DMD: variants seen among roughly 807,000 people sequenced by gnomAD.
DMD encodes mutant dystrophin.
DMD carries 63 observed loss-of-function variants against 330.1 expected under a neutral mutation model. The ratio of observed to expected loss-of-function variants is 0.19; its 90% CI spans 0.16 to 0.24. The LOEUF is 0.24. Ranked by LOEUF, DMD falls within the 10% of genes least tolerant of loss-of-function variation. The pLI, the probability that DMD is intolerant of heterozygous loss-of-function variation, is 1.00. For missense variants in DMD, 3,344 were observed against 2,684.1 expected, an observed-to-expected ratio of 1.25 and a Z score of -5.43; for synonymous variants, 1,223 against 959.8, an observed-to-expected ratio of 1.27 and a Z score of -5.07.
intron 13 of DMD, among the ~76,000 whole-genome samples, chrX:32,595,461 A>T (rs904019314): frequency 3.6e-5 from 4 of 111,298 alleles, no homozygotes; most frequent in South Asian, 7.5e-4. Flanking sequence ...CTGCATTTAA[A>T]TTTTTTTTAA....
At chrX:31,550,996 A>G (rs2074444293) in intron 55 of DMD, among the ~76,000 whole-genome samples, 1 of 111,326 alleles carries the variant, frequency 9.0e-6, no homozygotes, top group South Asian at 3.8e-4. Context: ...GCCTGGCCAA[A>G]TGGTGAAACC....
At chrX:31,984,489 G>C (rs1031780416) in intron 44 of DMD, among the ~76,000 whole-genome samples, 8 of 112,230 alleles carry the variant, frequency 7.1e-5, no homozygotes, top group Non-Finnish European at 1.5e-4. Context: ...TATTTCTGCT[G>C]TTGAACTTAA....
At chrX:31,457,074 T>A (rs1221989513) in intron 59 of DMD, among the ~76,000 whole-genome samples, 1 of 109,056 alleles carries the variant, frequency 9.2e-6, no homozygotes, top group African/African-American at 3.3e-5. Context: ...CCTGAGTAGA[T>A]AAGGTGACTG....
At chrX:32,578,275 A>C (rs1164588280) in intron 13 of DMD, among the ~76,000 whole-genome samples, 1 of 112,527 alleles carries the variant, frequency 8.9e-6, no homozygotes, top group East Asian at 2.8e-4. Context: ...GCTTTTAGCA[A>C]TAATGCATAT....
chrX:33,246,981 G>T (rs1472875386), intron 1 of DMD, among the ~76,000 whole-genome samples: 1 of 111,534 alleles, frequency 9.0e-6, no homozygotes, highest in Non-Finnish European at 1.9e-5. Context: ...ACCATGCCCG[G>T]CCAATTATCT....
chrX:32,877,542 A>C (rs2083470186), intron 2 of DMD, among the ~76,000 whole-genome samples: 1 of 112,139 alleles, frequency 8.9e-6, no homozygotes, highest in South Asian at 3.7e-4. Flanking sequence ...AGCCCTTTAG[A>C]GGTTATAGCC....
At chrX:32,450,024 G>A (rs1241143830) in intron 26 of DMD, among the ~76,000 whole-genome samples, 1 of 110,746 alleles carries the variant, frequency 9.0e-6, no homozygotes, top group Non-Finnish European at 1.9e-5. Flanking sequence ...TGAAGAAATT[G>A]GGGTATTATT....
chrX:32,562,235 T>A (rs1302967631), intron 16 of DMD, among the ~76,000 whole-genome samples: 2 of 112,423 alleles, frequency 1.8e-5, no homozygotes, highest in Non-Finnish European at 3.8e-5. Context: ...AAGTATTTTC[T>A]ATCTTCTTAG....
chrX:32,852,330 T>C (rs1040584583), intron 2 of DMD, among the ~76,000 whole-genome samples: 6 of 111,326 alleles, frequency 5.4e-5, no homozygotes, highest in African/African-American at 1.3e-4. Context: ...AATCCAGTCC[T>C]GGTAGAATTC....
At chrX:31,389,141 A>C (rs2060587057) in intron 60 of DMD, among the ~76,000 whole-genome samples, 1 of 112,118 alleles carries the variant, frequency 8.9e-6, no homozygotes, top group Admixed American at 9.5e-5. Flanking sequence ...TTGAAACTTG[A>C]GATGCTCCAG....
At chrX:32,773,648 T>C (rs1194217043) in intron 7 of DMD, among the ~76,000 whole-genome samples, 2 of 110,374 alleles carry the variant, frequency 1.8e-5, no homozygotes. Context: ...CTCCCACATA[T>C]GAGTGAGAAC....
chrX:33,008,951 CGT>C (rs1491318978), intron 2 of DMD, among the ~76,000 whole-genome samples: 6 of 82,648 alleles, frequency 7.3e-5, no homozygotes, highest in South Asian at 4.9e-4. Context: ...CGTATATATA[CGT>C]ATATATACAT....
At chrX:33,103,587 TTATAAAACGGC>T (rs1328217258) in intron 1 of DMD, among the ~76,000 whole-genome samples, 22 of 110,400 alleles carry the variant, frequency 2.0e-4, no homozygotes, top group African/African-American at 6.9e-4. Context: ...TACCGAAAGC[TTATAAAACGGC>T]CCCACCCCTA....
intron 55 of DMD, among the ~76,000 whole-genome samples, chrX:31,578,311 A>G (rs186707616): frequency 3.3e-4 from 37 of 111,843 alleles, no homozygotes; most frequent in Non-Finnish European, 5.1e-4. Context: ...AAGTTAAGAG[A>G]CTTGCCCTAA....
chrX:32,279,298 T>C (rs148282855), intron 43 of DMD, among the ~76,000 whole-genome samples: 1 of 111,432 alleles, frequency 9.0e-6, no homozygotes, highest in South Asian at 3.8e-4. Flanking sequence ...GATCCAGCAA[T>C]CCCACTGCTG....
At chrX:32,256,217 C>G (rs2097297976) in intron 43 of DMD, among the ~76,000 whole-genome samples, 1 of 110,776 alleles carries the variant, frequency 9.0e-6, no homozygotes, top group African/African-American at 3.3e-5. Context: ...TTGCGTTGCT[C>G]CCTTTACCAT....
chrX:31,446,134 C>T (rs926028270), intron 59 of DMD, among the ~76,000 whole-genome samples: 3 of 112,233 alleles, frequency 2.7e-5, no homozygotes, highest in Non-Finnish European at 5.6e-5. Context: ...ACGACATTAT[C>T]CTCTCAAATC....
chrX:32,415,637 T>A (rs2098163506), intron 29 of DMD, among the ~76,000 whole-genome samples: 1 of 112,365 alleles, frequency 8.9e-6, no homozygotes, highest in South Asian at 3.6e-4. Context: ...TCCGCTGTTG[T>A]TTTAAAATGT....
rs2070382877 is a variant in DMD, at chrX:32,748,529, A to G, written c.650-49236T>C. 3.6e-5 allele frequency among the ~76,000 whole-genome samples: 4 copies of G among 111,501 alleles called. No individual in the cohort carries two copies. In the Admixed American group the frequency reaches 3.8e-4, roughly 11 times the overall value. ...GTTTGTGATTTTAATAATTACATCT[A>G]CAGAACTTCAGAAAATATATTTTGA... On this transcript the variant is annotated intron_variant, in intron 7 of 78. Coordinates refer to ENST00000357033, the MANE Select transcript of DMD (RefSeq NM_004006.3).
Sources: gnomAD v4.1 joint callset for allele counts (sites outside exome capture counted in the v4.1 genomes callset) on GRCh38, gnomAD v4.1.1 for gene constraint, MANE v1.5 for transcripts, NCBI Gene and HGNC (gene_info 2026-07-23, HGNC 2026-07-21) for gene names.